WNT11: variants seen among roughly 807,000 people sequenced by gnomAD.
The protein encoded by WNT11 is protein Wnt-11.
In WNT11, 20 loss-of-function variants were observed where a neutral mutation model predicts 35.6. That is an observed-to-expected ratio of 0.56 (90% CI 0.40 to 0.82). The LOEUF (loss-of-function observed/expected upper bound fraction) is 0.82. Ranked by LOEUF, WNT11 falls within the 40% of genes least tolerant of loss-of-function variation. WNT11 has a pLI of 0.00. For missense variants in WNT11, 459 were observed against 504.4 expected (o/e 0.91, Z 0.86); for synonymous variants, 200 against 211.9 (o/e 0.94, Z 0.49).
intron 1 of WNT11, among the ~76,000 whole-genome samples, chr11:76,199,883 C>T (rs560297703): frequency 1.3e-5 from 2 of 152,280 alleles, no homozygotes; most frequent in East Asian, 1.9e-4. Flanking sequence ...GTGAGAAGGC[C>T]TGGGTTCTCA....
intron 4 of WNT11, among the ~76,000 whole-genome samples, chr11:76,187,489 G>GT (rs1286721967): frequency 2.0e-5 from 3 of 152,042 alleles, no homozygotes; most frequent in Non-Finnish European, 4.4e-5. Context: ...TTGAGATGGG[G>GT]TCTCACTCTG....
intron 1 of WNT11, among the ~76,000 whole-genome samples, chr11:76,197,094 A>G (rs1436122994): frequency 1.3e-5 from 2 of 152,250 alleles, no homozygotes; most frequent in Admixed American, 6.5e-5. Context: ...TTTATTCAAC[A>G]TTCATTCAAC....
intron 1 of WNT11, among the ~76,000 whole-genome samples, chr11:76,200,519 G>A (rs936802294): frequency 3.3e-5 from 5 of 152,216 alleles, no homozygotes; most frequent in African/African-American, 1.2e-4. Context: ...ATATGGGCAT[G>A]GCCCTTCCCG....
At chr11:76,207,617 T>TTCCGAGTC (rs1187075428), upstream of WNT11, among the ~76,000 whole-genome samples, 9 of 152,120 alleles carry the variant, frequency 5.9e-5, no homozygotes, top group Admixed American at 5.9e-4. Flanking sequence ...ACAGTGAGGA[T>TTCCGAGTC]TCCGAGTCTC....
In WNT11 at chr11:76,193,605, T is replaced by A. The variant is rs546918601; in HGVS notation, c.597+962A>T. 3.3e-5 allele frequency among the ~76,000 whole-genome samples: 5 copies of A among 152,330 alleles called. No homozygotes were observed. In the East Asian group the frequency reaches 9.6e-4, roughly 29 times the overall value. On this transcript the variant is annotated intron_variant, in intron 3 of 4. Coordinates refer to ENST00000322563, the MANE Select transcript of WNT11 (RefSeq NM_004626.3). ...TTTCCCTAACTGTCCAAGGATGGCC[T>A]GGACACCCTAGAATCCTCACACAAG...
intron 1 of WNT11, 100 bp downstream of exon 1, chr11:76,206,225 T>C: frequency 8.9e-7 from 1 of 1,125,078 alleles, no homozygotes; most frequent in South Asian, 2.3e-5. Context: ...CAGCTTAGGC[T>C]CCCGGGTCTT....
chr11:76,198,041 G>A (rs546704122), intron 1 of WNT11, among the ~76,000 whole-genome samples: 2 of 152,270 alleles, frequency 1.3e-5, no homozygotes, highest in South Asian at 2.1e-4. Context: ...TGGACCCAGC[G>A]GTCCTCACCC....
At chr11:76,193,187 G>T (rs1044205337) in intron 3 of WNT11, among the ~76,000 whole-genome samples, 3 of 152,274 alleles carry the variant, frequency 2.0e-5, no homozygotes, top group Non-Finnish European at 4.4e-5. Flanking sequence ...GCTGGGGAAA[G>T]GGGCTTGGAG....
intron 1 of WNT11, 23 bp downstream of exon 1, chr11:76,206,302 G>C: frequency 1.3e-6 from 2 of 1,514,114 alleles, no homozygotes; most frequent in Non-Finnish European, 1.8e-6. Context: ...GCCTGTGCGC[G>C]TGGACGCGGG....
chr11:76,189,169 T>TTCCCCC (rs1953141482), intron 4 of WNT11, among the ~76,000 whole-genome samples: 1 of 152,236 alleles, frequency 6.6e-6, no homozygotes, highest in Admixed American at 6.5e-5. Context: ...CATCCATGAG[T>TTCCCCC]TCCCCCTCAG....
chr11:76,206,995 C>T (rs1369853546), upstream of WNT11: 2 of 152,268 alleles, frequency 1.3e-5, no homozygotes, highest in East Asian at 3.9e-4. Context: ...CTCGGCAATT[C>T]TCCTTCCCAA....
intron 4 of WNT11, among the ~76,000 whole-genome samples, chr11:76,189,027 G>T (rs992188644): frequency 6.6e-6 from 1 of 152,306 alleles, no homozygotes; most frequent in Admixed American, 6.5e-5. Flanking sequence ...GCAAGTGGGG[G>T]CTGCCAGCAG....
chr11:76,206,315 C>G lies in WNT11; in HGVS notation c.83+10G>C. 6.5e-7 allele frequency: 1 copy of G among 1,546,036 alleles called. No individual in the cohort carries two copies. Among genetic ancestry groups the G allele is most frequent in the Non-Finnish European group, 8.7e-7 (1 of 1,148,368 alleles). ...TGGCCTGTGCGCGTGGACGCGGGGTCCCTACTCACAGCCACTTGATGCCAT... is the reference window on the plus strand; with the variant it reads ...TGGCCTGTGCGCGTGGACGCGGGGTGCCTACTCACAGCCACTTGATGCCAT... On this transcript the variant is annotated intron_variant, in intron 1 of 4. Transcript: ENST00000322563.
intron 4 of WNT11, 127 bp downstream of exon 4, chr11:76,191,437 C>T: frequency 8.7e-7 from 1 of 1,145,420 alleles, no homozygotes; most frequent in Admixed American, 2.1e-5. Flanking sequence ...GGCCAACTCT[C>T]TCAACTGAGC....
upstream of WNT11, chr11:76,210,425 G>A (rs1953550419): frequency 3.0e-6 from 3 of 985,258 alleles, no homozygotes; most frequent in African/African-American, 5.2e-5. Flanking sequence ...CCCAGCCCTG[G>A]CGGGTCCCCG....
At chr11:76,207,621 G>C (rs1953494367), upstream of WNT11, among the ~76,000 whole-genome samples, 2 of 152,156 alleles carry the variant, frequency 1.3e-5, no homozygotes, top group African/African-American at 2.4e-5. Context: ...TGAGGATTCC[G>C]AGTCTCCAAG....
chr11:76,204,069 A>G (rs1043639369), intron 1 of WNT11, among the ~76,000 whole-genome samples: 1 of 152,230 alleles, frequency 6.6e-6, no homozygotes, highest in Non-Finnish European at 1.5e-5. Flanking sequence ...TAAATGGAAC[A>G]ATATACATAA....
At chr11:76,206,247 C>A in intron 1 of WNT11, 78 bp downstream of exon 1, 1 of 1,278,100 alleles carries the variant, frequency 7.8e-7, no homozygotes, top group Non-Finnish European at 1.0e-6. Context: ...GTGCGCTCGC[C>A]CCATCCAGGG....
chr11:76,205,007 C>T (rs1953449339), intron 1 of WNT11, among the ~76,000 whole-genome samples: 1 of 152,192 alleles, frequency 6.6e-6, no homozygotes, highest in Non-Finnish European at 1.5e-5. Flanking sequence ...TGGAACAGTG[C>T]TGGGTACCCC....
Sources: gnomAD v4.1 joint callset for allele counts (sites outside exome capture counted in the v4.1 genomes callset) on GRCh38, gnomAD v4.1.1 for gene constraint, MANE v1.5 for transcripts, NCBI Gene and HGNC (gene_info 2026-07-23, HGNC 2026-07-21) for gene names.